Variants in AP2A2 observed in about 807,000 individuals in gnomAD.
AP2A2 encodes the protein adaptor related protein complex 2 subunit alpha 2.
In AP2A2, 32 loss-of-function variants were observed where a neutral mutation model predicts 104.2. The ratio of observed to expected loss-of-function variants is 0.31; its 90% confidence interval spans 0.23 to 0.41. AP2A2 has a LOEUF of 0.41. Ranked by LOEUF, AP2A2 falls within the 10% of genes least tolerant of loss-of-function variation. The pLI is 1.00. For synonymous variants in AP2A2, 539 were observed against 533.3 expected (o/e 1.01, Z -0.15); for missense variants, 912 against 1,261.0 (o/e 0.72, Z 4.19).
Position 993,688 on chromosome 11 carries a change from C to A in AP2A2, c.1551-66C>A, listed in dbSNP as rs965984655. ...GGGGGTCTCGCCGCCGTCCCCCCCC[C>A]GCGGGGGCGTGCTGCAGCCTGCGAG... On this transcript the variant is annotated intron_variant, in intron 12 of 21. Coordinates refer to ENST00000448903, the MANE Select transcript of AP2A2 (RefSeq NM_012305.4). The surrounding 1 kb of genome is among the most constrained non-coding windows in gnomAD (Gnocchi z 8.2). 70 of 1,295,214 alleles carry A rather than the reference C, an allele frequency of 5.4e-5. 1 individual carries two copies. Among genetic ancestry groups the A allele is most frequent in the Admixed American group, 2.3e-4 (11 of 48,476 alleles). The allele number at this position is 1,295,214 out of a possible 1,614,324, so 80.2% of individuals were successfully genotyped here.
intron 8 of AP2A2, 163 bp downstream of exon 8, chr11:985,745 G>GC: frequency 9.8e-7 from 1 of 1,024,886 alleles, no homozygotes; most frequent in Non-Finnish European, 1.4e-6. Context: ...TTTCTGTGCA[G>GC]CCCGGCCCCT....
In AP2A2 at chr11:1,011,309, G is replaced by A. The variant is rs778049917; in HGVS notation, c.*684G>A. On this transcript the variant is annotated 3_prime_UTR_variant, in exon 22 of 22. Coordinates refer to ENST00000448903, the MANE Select transcript of AP2A2 (RefSeq NM_012305.4). ...CGAGGCCTTGGATGTGCAGCCAGGG[G>A]AGGAGCGTCCTGCCGGCCCCGCAGG... 3.9e-6 allele frequency: 2 copies of A among 518,824 alleles called. No homozygotes were observed. The highest frequency in any genetic ancestry group is 3.2e-4 in the Middle Eastern group (1 of 3,146). The allele number at this position is 518,824 out of a possible 1,614,324, so 32.1% of individuals were successfully genotyped here.
chr11:967,833 C>T (rs951526080), intron 2 of AP2A2, among the ~76,000 whole-genome samples: 1 of 152,182 alleles, frequency 6.6e-6, no homozygotes, highest in East Asian at 1.9e-4. Flanking sequence ...CTCTGATCTG[C>T]ACAAACCAAG....
chr11:1,011,391 T>C lies in AP2A2; in HGVS notation c.*766T>C, dbSNP rs746338741. On this transcript the variant is annotated 3_prime_UTR_variant, in exon 22 of 22. Coordinates refer to ENST00000448903, the MANE Select transcript of AP2A2 (RefSeq NM_012305.4). ...GGTGGCGCAAGACTCAGAGGTGTGC[T>C]CGTCTCTTTCCTGTCAGAGTGGGCG... 2 of 516,070 alleles carry C rather than the reference T, an allele frequency of 3.9e-6. No individual in the cohort carries two copies. Among genetic ancestry groups the C allele is most frequent in the Non-Finnish European group, 3.9e-6 (1 of 258,536 alleles). The allele number at this position is 516,070 out of a possible 1,614,324, so 32.0% of individuals were successfully genotyped here. A position where few individuals can be genotyped will look rare whatever the true frequency, so the allele number is the denominator to read the frequency against.
At chr11:932,124 G>C (rs1382563355) in intron 1 of AP2A2, among the ~76,000 whole-genome samples, 1 of 152,180 alleles carries the variant, frequency 6.6e-6, no homozygotes, top group African/African-American at 2.4e-5. Flanking sequence ...ACCACGCCTA[G>C]CTAATTTTTG....
chr11:954,603 G>A (rs2134542269), intron 1 of AP2A2, among the ~76,000 whole-genome samples: 1 of 152,124 alleles, frequency 6.6e-6, no homozygotes, highest in Middle Eastern at 3.4e-3. Context: ...GTACATTTGT[G>A]TATTTGTGTG....
intron 15 of AP2A2, among the ~76,000 whole-genome samples, chr11:1,001,733 A>G (rs2133772492): frequency 6.6e-6 from 1 of 152,124 alleles, no homozygotes; most frequent in South Asian, 2.1e-4. Context: ...GGAAGGGACC[A>G]GGGGCTGGGC....
rs1328196844 is a variant in AP2A2, at chr11:935,824, G to A, written c.67+9736G>A. ...TTGGCCAGGCTGGTCTTGAACTCCC[G>A]ACCTCGTGATCCACCCGCCTTGGCC... On this transcript the variant is annotated intron_variant, in intron 1 of 21. Coordinates refer to ENST00000448903, the MANE Select transcript of AP2A2 (RefSeq NM_012305.4). 3.3e-5 allele frequency among the ~76,000 whole-genome samples: 5 copies of A among 149,984 alleles called. No individual in the cohort carries two copies. The East Asian group carries it at 6.0e-4, about 18-fold the overall frequency.
intron 4 of AP2A2, among the ~76,000 whole-genome samples, chr11:973,522 A>G (rs908394941): frequency 1.3e-5 from 2 of 152,088 alleles, no homozygotes; most frequent in African/African-American, 2.4e-5. Context: ...CCACAGTAGG[A>G]TGGACAGGAG....
intron 6 of AP2A2, among the ~76,000 whole-genome samples, chr11:983,674 C>T (rs1371875607): frequency 4.6e-5 from 7 of 152,218 alleles, no homozygotes; most frequent in African/African-American, 9.7e-5. Context: ...GGAGCCACCG[C>T]ACCTGGCCTA....
chr11:935,358 G>T (rs1853418796), intron 1 of AP2A2, among the ~76,000 whole-genome samples: 1 of 151,906 alleles, frequency 6.6e-6, no homozygotes, highest in African/African-American at 2.4e-5. Context: ...CGCCCAGCTG[G>T]GGTTTCACCA....
intron 1 of AP2A2, chr11:932,788 C>G (rs1271695643): frequency 2.2e-6 from 1 of 455,940 alleles, no homozygotes; most frequent in Admixed American, 2.4e-5. Context: ...GTCAGGATCA[C>G]TTTCTTTTAT....
chr11:988,783 C>A (rs1005626062), intron 10 of AP2A2, 94 bp downstream of exon 10: 3 of 1,488,304 alleles, frequency 2.0e-6, no homozygotes, highest in Non-Finnish European at 2.8e-6. Context: ...TCCAGCAGGA[C>A]TTGATTGAGA....
At position 972,172 on chromosome 11, in the gene AP2A2, G is replaced by C; in HGVS notation, c.390G>C (p.Leu130=). 6.2e-7 allele frequency: 1 copy of C among 1,613,196 alleles called. No individual in the cohort carries two copies. The highest frequency in any genetic ancestry group is 8.5e-7 in the Non-Finnish European group (1 of 1,179,718). Reference sequence around the variant, plus strand: ...GCCGCAACCCCACCTTCATGGGCCTGGCCCTGCACTGCATCGCCAGCGTGG... The same window carrying C: ...GCCGCAACCCCACCTTCATGGGCCTCGCCCTGCACTGCATCGCCAGCGTGG... ...LASRNPTFMG[L]ALHCIASVGS... The change falls in exon 4 of 22, where the codon CTG becomes CTC. Residue 130 remains leucine, a synonymous_variant. Transcript: ENST00000448903.
intron 14 of AP2A2, among the ~76,000 whole-genome samples, chr11:996,720 C>A (rs1455119498): frequency 6.6e-6 from 1 of 152,174 alleles, no homozygotes; most frequent in Non-Finnish European, 1.5e-5. Flanking sequence ...GGAGTTCCCC[C>A]TTCAGGGCTC....
intron 1 of AP2A2, among the ~76,000 whole-genome samples, chr11:935,541 A>G (rs1282371575): frequency 2.8e-5 from 4 of 144,730 alleles, no homozygotes; most frequent in Admixed American, 2.1e-4. Flanking sequence ...ACCTCAAGTG[A>G]TGCGCCTGCC....
chr11:966,509 C>T (rs1488292355), intron 2 of AP2A2, among the ~76,000 whole-genome samples: 2 of 152,142 alleles, frequency 1.3e-5, no homozygotes, highest in Non-Finnish European at 2.9e-5. Context: ...AGACAAAACA[C>T]TTTACTTTTT....
intron 18 of AP2A2, 70 bp from the exon 19 acceptor site, chr11:1,009,030 T>C (rs929426727): frequency 1.5e-6 from 2 of 1,315,800 alleles, no homozygotes; most frequent in Non-Finnish European, 2.1e-6. Context: ...CACTCCAGGC[T>C]CTTTCCCGGT....
In AP2A2 at chr11:993,738, G is replaced by T; in HGVS notation, c.1551-16G>T. 6.4e-7 allele frequency: 1 copy of T among 1,565,294 alleles called. No individual in the cohort carries two copies. On this transcript the variant is annotated splice_polypyrimidine_tract_variant and intron_variant, in intron 12 of 21. Coordinates refer to ENST00000448903, the MANE Select transcript of AP2A2 (RefSeq NM_012305.4). The surrounding 1 kb of genome is among the most constrained non-coding windows in gnomAD (Gnocchi z 8.2). ...GGGGACGACGGTGTCCCTGTGTTGT[G>T]CCTCCCCGTCCCCAGCCCGCTGATC...
Sources: allele counts gnomAD v4.1 joint callset (sites outside exome capture counted in the v4.1 genomes callset), GRCh38; gene constraint gnomAD v4.1.1; non-coding constraint Gnocchi (gnomAD v3.1); transcripts MANE v1.5; gene names NCBI Gene and HGNC (gene_info 2026-07-23, HGNC 2026-07-21).